DAPK1: variants seen among roughly 807,000 people sequenced by gnomAD.
DAPK1 encodes death-associated protein kinase 1.
A neutral mutation model predicts 144.9 loss-of-function variants in DAPK1; 56 were observed. That is an observed-to-expected ratio of 0.39 (90% CI 0.31 to 0.48). The LOEUF (loss-of-function observed/expected upper bound fraction) is 0.48. Ranked by LOEUF, DAPK1 falls within the 20% of genes least tolerant of loss-of-function variation. The pLI is 0.95. For missense variants in DAPK1, 1,454 were observed against 1,875.4 expected, an observed-to-expected ratio of 0.78 and a Z score of 4.15; for synonymous variants, 690 against 749.0, an observed-to-expected ratio of 0.92 and a Z score of 1.29.
intron 20 of DAPK1, among the ~76,000 whole-genome samples, chr9:87,683,151 C>G (rs997791251): frequency 6.7e-6 from 1 of 149,214 alleles, no homozygotes; most frequent in Admixed American, 6.7e-5. Context: ...GGTGTGATCT[C>G]GGCTCACTGC....
At chr9:87,570,463 A>G (rs1364297841) in intron 2 of DAPK1, among the ~76,000 whole-genome samples, 1 of 152,214 alleles carries the variant, frequency 6.6e-6, no homozygotes, top group Non-Finnish European at 1.5e-5. Flanking sequence ...ACTTTGCTTT[A>G]CCTTGAAGAA....
intron 2 of DAPK1, among the ~76,000 whole-genome samples, chr9:87,573,484 AGGGGTGAG>A (rs1827438156): frequency 6.6e-6 from 1 of 152,154 alleles, no homozygotes; most frequent in African/African-American, 2.4e-5. Context: ...AGAGGGAGGG[AGGGGTGAG>A]TTTGTAAGAG....
intron 3 of DAPK1, among the ~76,000 whole-genome samples, chr9:87,623,103 G>A (rs534292665): frequency 6.6e-6 from 1 of 152,076 alleles, no homozygotes; most frequent in Non-Finnish European, 1.5e-5. Context: ...AAGCACAATT[G>A]TTTATTATGC....
intron 19 of DAPK1, among the ~76,000 whole-genome samples, chr9:87,678,205 T>C (rs773519712): frequency 2.0e-5 from 3 of 152,240 alleles, no homozygotes; most frequent in African/African-American, 7.2e-5. Context: ...ACACACCTTG[T>C]GTCACGCTCC....
chr9:87,512,473 C>T (rs1245859251), intron 2 of DAPK1, among the ~76,000 whole-genome samples: 1 of 152,086 alleles, frequency 6.6e-6, no homozygotes, highest in Non-Finnish European at 1.5e-5. Context: ...ACTGTCCGTG[C>T]CAAGAAAAGC....
chr9:87,665,145 T>C (rs191025848), intron 18 of DAPK1, among the ~76,000 whole-genome samples: 3 of 151,538 alleles, frequency 2.0e-5, no homozygotes, highest in Admixed American at 2.0e-4. Flanking sequence ...GCCCCATTTT[T>C]CTTCATAGCA....
chr9:87,615,973 G>T (rs1391445375), intron 3 of DAPK1, among the ~76,000 whole-genome samples: 1 of 152,240 alleles, frequency 6.6e-6, no homozygotes, highest in Non-Finnish European at 1.5e-5. Flanking sequence ...GGGCTGGTTG[G>T]CCAGCTTTGC....
intron 2 of DAPK1, among the ~76,000 whole-genome samples, chr9:87,595,471 C>T: frequency 6.6e-6 from 1 of 152,210 alleles, no homozygotes; most frequent in East Asian, 1.9e-4. Flanking sequence ...AAGGCACCCA[C>T]TGCTATCTTT....
chr9:87,615,468 C>G (rs1829063366), intron 3 of DAPK1, among the ~76,000 whole-genome samples: 2 of 152,216 alleles, frequency 1.3e-5, no homozygotes, highest in South Asian at 4.1e-4. Context: ...GAAATGGGCT[C>G]AAGGACCTGG....
intron 3 of DAPK1, among the ~76,000 whole-genome samples, chr9:87,621,927 G>A (rs998210184): frequency 2.6e-5 from 4 of 151,942 alleles, no homozygotes; most frequent in Admixed American, 6.5e-5. Flanking sequence ...GTAGAGCCTC[G>A]GCAACATCAG....
chr9:87,533,162 A>G (rs1397996567), intron 2 of DAPK1, among the ~76,000 whole-genome samples: 1 of 152,262 alleles, frequency 6.6e-6, no homozygotes, highest in Non-Finnish European at 1.5e-5. Flanking sequence ...ACATGCACAT[A>G]AAATATATAT....
intron 3 of DAPK1, among the ~76,000 whole-genome samples, chr9:87,613,625 C>T (rs752724824): frequency 6.6e-6 from 1 of 152,144 alleles, no homozygotes; most frequent in Non-Finnish European, 1.5e-5. Flanking sequence ...AGATCAGAAT[C>T]GCAAGAGCCT....
At chr9:87,702,556 G>A (rs1182010868) in intron 24 of DAPK1, among the ~76,000 whole-genome samples, 1 of 152,190 alleles carries the variant, frequency 6.6e-6, no homozygotes, top group East Asian at 1.9e-4. Context: ...GAAAAAGTGA[G>A]GGAGTGAAAC....
At chr9:87,677,058 GA>G (rs1824411827) in intron 19 of DAPK1, among the ~76,000 whole-genome samples, 1 of 152,200 alleles carries the variant, frequency 6.6e-6, no homozygotes. Context: ...TTTTCATAGG[GA>G]ATGTGAGTGA....
intron 3 of DAPK1, among the ~76,000 whole-genome samples, chr9:87,609,360 G>C (rs985297414): frequency 1.3e-5 from 2 of 152,162 alleles, no homozygotes; most frequent in Admixed American, 1.3e-4. Flanking sequence ...TATGATGCGT[G>C]TTTCTCTGGA....
chr9:87,611,508 G>T (rs1001482902), intron 3 of DAPK1, among the ~76,000 whole-genome samples: 8 of 152,166 alleles, frequency 5.3e-5, no homozygotes, highest in Admixed American at 1.3e-4. Context: ...ACCCAGGCTG[G>T]AATGCAGTGG....
chr9:87,576,814 C>T (rs1164964622), intron 2 of DAPK1, among the ~76,000 whole-genome samples: 1 of 152,168 alleles, frequency 6.6e-6, no homozygotes, highest in Non-Finnish European at 1.5e-5. Context: ...CCCACCTCGG[C>T]CTCCCAAAGT....
intron 2 of DAPK1, among the ~76,000 whole-genome samples, chr9:87,564,385 A>C (rs10780861): frequency 1.1e-4 from 17 of 152,016 alleles, no homozygotes; most frequent in Non-Finnish European, 2.1e-4. Flanking sequence ...ATTTTTGTTA[A>C]CTGGGAAATG....
chr9:87,659,082 G>C (rs1830735950), intron 18 of DAPK1, among the ~76,000 whole-genome samples: 1 of 152,232 alleles, frequency 6.6e-6, no homozygotes, highest in Non-Finnish European at 1.5e-5. Flanking sequence ...AGACCATATG[G>C]GCCACAGAGC....
Sources: allele counts gnomAD v4.1 joint callset (sites outside exome capture counted in the v4.1 genomes callset), GRCh38; gene constraint gnomAD v4.1.1; transcripts MANE v1.5; gene names NCBI Gene and HGNC (gene_info 2026-07-23, HGNC 2026-07-21).